The following TNNI3K variants were observed in gnomAD, a reference collection of about 807,000 sequenced individuals.
TNNI3K encodes the protein TNNI3 interacting kinase, also known as serine/threonine-protein kinase TNNI3K.
A neutral mutation model predicts 114.5 loss-of-function variants in TNNI3K; 140 were observed. The ratio of observed to expected loss-of-function variants is 1.22; its 90% CI spans 1.07 to 1.41. TNNI3K has a LOEUF of 1.41. Among genes scored for constraint, TNNI3K ranks in the 40% most tolerant of loss-of-function variants. TNNI3K has a pLI of 0.00. For missense variants in TNNI3K, 1,125 were observed against 1,007.6 expected, an observed-to-expected ratio of 1.12 and a Z score of -1.58; for synonymous variants, 347 against 347.5, an observed-to-expected ratio of 1.00 and a Z score of 0.02.
chr1:74,387,778 A>AATT (rs1198810467), intron 17 of TNNI3K, among the ~76,000 whole-genome samples: 1 of 152,156 alleles, frequency 6.6e-6, no homozygotes, highest in African/African-American at 2.4e-5. Context: ...TCTAAACATC[A>AATT]ATTTTTTCAT....
At chr1:74,475,834 A>G in intron 21 of TNNI3K, 1 of 552,296 alleles carries the variant, frequency 1.8e-6, no homozygotes, top group East Asian at 2.9e-5. Context: ...AGAGACCATT[A>G]AAAGATAACA....
intron 4 of TNNI3K, among the ~76,000 whole-genome samples, chr1:74,265,328 G>C (rs1276128571): frequency 6.6e-6 from 1 of 151,992 alleles, no homozygotes; most frequent in African/African-American, 2.4e-5. Context: ...GCCCATTGAG[G>C]AGCTCCAGAG....
chr1:74,480,365 T>C, intron 21 of TNNI3K: 1 of 717,684 alleles, frequency 1.4e-6, no homozygotes, highest in South Asian at 1.5e-5. Flanking sequence ...CTTAATGTAG[T>C]TTCTTAAAAA....
At chr1:74,417,164 G>GAAC (rs1665157165) in intron 17 of TNNI3K, among the ~76,000 whole-genome samples, 1 of 152,160 alleles carries the variant, frequency 6.6e-6, no homozygotes, top group South Asian at 2.1e-4. Context: ...ATTATTCAGG[G>GAAC]AAATATACTT....
intron 17 of TNNI3K, among the ~76,000 whole-genome samples, chr1:74,381,660 C>T (rs942061154): frequency 6.6e-5 from 10 of 152,156 alleles, no homozygotes; most frequent in African/African-American, 2.4e-4. Context: ...ATTAAGACCT[C>T]TCACTCCTTC....
At position 74,354,011 on chromosome 1, in the gene TNNI3K, T is replaced by A; in HGVS notation, c.1059T>A (p.Ile353=). 6.2e-7 allele frequency: 1 copy of A among 1,614,114 alleles called. No individual in the cohort carries two copies. Among genetic ancestry groups the A allele is most frequent in the Non-Finnish European group, 8.5e-7 (1 of 1,179,976 alleles). ...ACTCTGCTTGCTACCACGGTCACAT[T>A]CGCCTGGTTCAGTTCTTACTGGATA... ...GLHSACYHGH[I]RLVQFLLDNG... Residue 353 remains isoleucine (I), a synonymous_variant, in exon 11 of 25, where the codon ATT becomes ATA. Coordinates refer to ENST00000326637, the MANE Select transcript of TNNI3K (RefSeq NM_015978.3).
At chr1:74,365,872 T>G (rs570029209) in intron 11 of TNNI3K, among the ~76,000 whole-genome samples, 1 of 151,824 alleles carries the variant, frequency 6.6e-6, no homozygotes, top group East Asian at 2.0e-4. Context: ...AAGCTGGAGA[T>G]GATAAGAAAA....
At chr1:74,367,089 A>G (rs1224414063) in intron 11 of TNNI3K, among the ~76,000 whole-genome samples, 167 bp from the exon 12 acceptor site, 1 of 152,028 alleles carries the variant, frequency 6.6e-6, no homozygotes, top group African/African-American at 2.4e-5. Flanking sequence ...GTCTTAAGAA[A>G]TCATTTTGAA....
intron 17 of TNNI3K, among the ~76,000 whole-genome samples, chr1:74,423,954 C>T (rs1665513436): frequency 6.6e-6 from 1 of 152,058 alleles, no homozygotes; most frequent in African/African-American, 2.4e-5. Context: ...AAGGAGAGCT[C>T]CTGTAGTTCT....
At chr1:74,334,458 A>G (rs1467988316) in intron 6 of TNNI3K, among the ~76,000 whole-genome samples, 1 of 152,192 alleles carries the variant, frequency 6.6e-6, no homozygotes, top group South Asian at 2.1e-4. Context: ...TTTGAACCCT[A>G]ACTGCTATTT....
At chr1:74,369,959 A>C (rs1166462059) in intron 16 of TNNI3K, 1 of 234,936 alleles carries the variant, frequency 4.3e-6, no homozygotes, top group African/African-American at 2.3e-5. Flanking sequence ...TTCTGAGTTT[A>C]TGCATATAGT....
chr1:74,389,090 C>T (rs1241962035), intron 17 of TNNI3K, among the ~76,000 whole-genome samples: 1 of 152,244 alleles, frequency 6.6e-6, no homozygotes, highest in African/African-American at 2.4e-5. Context: ...AGATACAAGA[C>T]TCTCTGGCAG....
chr1:74,330,755 T>G (rs988890896), intron 5 of TNNI3K, among the ~76,000 whole-genome samples: 12 of 152,184 alleles, frequency 7.9e-5, no homozygotes, highest in African/African-American at 2.7e-4. Context: ...TGGCTTTCCA[T>G]GATGACAATT....
At chr1:74,466,009 C>T (rs1245831602) in intron 21 of TNNI3K, among the ~76,000 whole-genome samples, 1 of 152,158 alleles carries the variant, frequency 6.6e-6, no homozygotes, top group African/African-American at 2.4e-5. Flanking sequence ...TGCTGATGTT[C>T]ACTCTTTGGT....
At chr1:74,530,618 T>A (rs975216458) in intron 23 of TNNI3K, among the ~76,000 whole-genome samples, 12 of 152,196 alleles carry the variant, frequency 7.9e-5, no homozygotes, top group African/African-American at 2.9e-4. Flanking sequence ...GATAGGTTAT[T>A]TCAATTCTCA....
chr1:74,407,403 A>G (rs1664667167), intron 17 of TNNI3K, among the ~76,000 whole-genome samples: 1 of 152,212 alleles, frequency 6.6e-6, no homozygotes. Context: ...TGTAAAGGAA[A>G]TAGTATAGAA....
chr1:74,302,794 A>G (rs1434572474), intron 5 of TNNI3K, among the ~76,000 whole-genome samples: 3 of 152,256 alleles, frequency 2.0e-5, no homozygotes, highest in Non-Finnish European at 2.9e-5. Context: ...AGCTATTTCC[A>G]TAACAAAAGT....
intron 20 of TNNI3K, among the ~76,000 whole-genome samples, chr1:74,445,550 T>C (rs1313112084): frequency 6.6e-6 from 1 of 151,032 alleles, no homozygotes; most frequent in Non-Finnish European, 1.5e-5. Context: ...GGACGTGAAC[T>C]CATCATTTTT....
intron 11 of TNNI3K, among the ~76,000 whole-genome samples, chr1:74,357,718 T>A (rs555724684): frequency 1.3e-5 from 2 of 152,264 alleles, no homozygotes; most frequent in South Asian, 4.1e-4. Context: ...TCAATATTTA[T>A]CTGCCAGAGT....
Sources: gnomAD v4.1 joint callset for allele counts (sites outside exome capture counted in the v4.1 genomes callset) on GRCh38, gnomAD v4.1.1 for gene constraint, MANE v1.5 for transcripts, NCBI Gene and HGNC (gene_info 2026-07-23, HGNC 2026-07-21) for gene names.